KIAA1328: variants seen among roughly 807,000 people sequenced by gnomAD.
The protein encoded by KIAA1328 is KIAA1328.
A neutral mutation model predicts 68.1 loss-of-function variants in KIAA1328; 52 were observed. That is an observed-to-expected ratio of 0.76 (90% CI 0.61 to 0.96). The LOEUF (loss-of-function observed/expected upper bound fraction) is 0.96. Among genes scored for constraint, KIAA1328 ranks in the 40% least tolerant of loss-of-function variants. The pLI, the probability that KIAA1328 is intolerant of heterozygous loss-of-function variation, is 0.00. For missense variants in KIAA1328, 641 were observed against 677.6 expected (o/e 0.95, Z 0.60); for synonymous variants, 232 against 239.4 (o/e 0.97, Z 0.28).
At chr18:37,026,282 C>G (rs566430331) in intron 6 of KIAA1328, among the ~76,000 whole-genome samples, 2 of 152,260 alleles carry the variant, frequency 1.3e-5, no homozygotes, top group South Asian at 4.1e-4. Flanking sequence ...CAGCCAAATT[C>G]TACCCAGAGG....
Position 36,927,027 on chromosome 18 carries a change from A to C in KIAA1328, c.449-32281A>C, listed in dbSNP as rs75247244. On this transcript the variant is annotated intron_variant, in intron 5 of 9. Transcript: ENST00000280020. Reference sequence around the variant, plus strand: ...ACAAGATCTCTGCAAACTGAGAGATAACTCATCACCAAAGGGATTGTTGCT... The same window carrying C: ...ACAAGATCTCTGCAAACTGAGAGATCACTCATCACCAAAGGGATTGTTGCT... 2.0e-5 allele frequency among the ~76,000 whole-genome samples: 3 copies of C among 152,166 alleles called. No individual in the cohort carries two copies. The East Asian group carries it at 5.8e-4, about 29-fold the overall frequency.
intron 6 of KIAA1328, among the ~76,000 whole-genome samples, chr18:37,029,442 C>T (rs1397450489): frequency 6.6e-6 from 1 of 152,066 alleles, no homozygotes; most frequent in Non-Finnish European, 1.5e-5. Flanking sequence ...GGCATGATCT[C>T]AGTTCACTGC....
At chr18:37,151,823 T>C (rs1409699942) in intron 7 of KIAA1328, among the ~76,000 whole-genome samples, 2 of 152,142 alleles carry the variant, frequency 1.3e-5, no homozygotes, top group Non-Finnish European at 2.9e-5. Context: ...AGGGCATCCA[T>C]AGAAGAGGGC....
chr18:37,041,547 G>A (rs1335071900), intron 6 of KIAA1328, among the ~76,000 whole-genome samples: 1 of 151,332 alleles, frequency 6.6e-6, no homozygotes, highest in Non-Finnish European at 1.5e-5. Context: ...ATTGTGATAT[G>A]GTTGGATTTA....
intron 6 of KIAA1328, among the ~76,000 whole-genome samples, chr18:36,963,158 A>C (rs1469527828): frequency 6.6e-6 from 1 of 152,184 alleles, no homozygotes; most frequent in Non-Finnish European, 1.5e-5. Context: ...GAGGCAGAGG[A>C]AGGTGGCATC....
At chr18:36,944,994 TAAG>T (rs1289543151) in intron 5 of KIAA1328, among the ~76,000 whole-genome samples, 2 of 152,164 alleles carry the variant, frequency 1.3e-5, no homozygotes, top group African/African-American at 2.4e-5. Flanking sequence ...GTTGGCAGCT[TAAG>T]AAGAAAGCTT....
intron 7 of KIAA1328, among the ~76,000 whole-genome samples, chr18:37,100,375 C>T (rs998390805): frequency 3.3e-5 from 5 of 152,214 alleles, no homozygotes; most frequent in Non-Finnish European, 5.9e-5. Context: ...GAGAATATAC[C>T]CTGTGCCTGG....
chr18:37,032,415 C>T (rs1049613121), intron 6 of KIAA1328, among the ~76,000 whole-genome samples: 10 of 151,662 alleles, frequency 6.6e-5, no homozygotes, highest in Admixed American at 2.0e-4. Flanking sequence ...AGTTTACATT[C>T]ATTTTTATAG....
At chr18:37,069,448 G>A (rs1369727471) in intron 7 of KIAA1328, among the ~76,000 whole-genome samples, 1 of 151,852 alleles carries the variant, frequency 6.6e-6, no homozygotes, top group Admixed American at 6.6e-5. Context: ...TTTGATGAGG[G>A]ATATTGTTCT....
chr18:37,053,867 G>A (rs2055801860), intron 6 of KIAA1328, among the ~76,000 whole-genome samples: 1 of 151,650 alleles, frequency 6.6e-6, no homozygotes, highest in African/African-American at 2.4e-5. Context: ...GGTACACAGA[G>A]CCAGAACATG....
chr18:37,164,288 C>T (rs945966476), intron 8 of KIAA1328, among the ~76,000 whole-genome samples: 5 of 152,170 alleles, frequency 3.3e-5, no homozygotes, highest in Non-Finnish European at 7.3e-5. Context: ...TCTTTCGATG[C>T]CCTTATCCTG....
intron 7 of KIAA1328, among the ~76,000 whole-genome samples, chr18:37,145,818 T>C (rs990582109): frequency 4.6e-5 from 7 of 152,226 alleles, no homozygotes; most frequent in Admixed American, 1.3e-4. Flanking sequence ...TTCATCCTTT[T>C]ATGTTAACCT....
chr18:36,950,933 G>C (rs1236627348), intron 5 of KIAA1328, among the ~76,000 whole-genome samples: 1 of 152,212 alleles, frequency 6.6e-6, no homozygotes, highest in Non-Finnish European at 1.5e-5. Flanking sequence ...CGGGGGAGAT[G>C]ATGGACAACC....
At chr18:36,851,578 T>G (rs555002133) in intron 4 of KIAA1328, among the ~76,000 whole-genome samples, 1 of 152,274 alleles carries the variant, frequency 6.6e-6, no homozygotes, top group African/African-American at 2.4e-5. Flanking sequence ...CTAGGTTATC[T>G]AATTTGTTGA....
chr18:36,891,182 TA>T (rs1443509826), intron 5 of KIAA1328, among the ~76,000 whole-genome samples: 1 of 152,158 alleles, frequency 6.6e-6, no homozygotes, highest in Non-Finnish European at 1.5e-5. Context: ...CCACGCCTCA[TA>T]CCACACACCA....
chr18:37,044,465 A>G (rs1452817154), intron 6 of KIAA1328, among the ~76,000 whole-genome samples: 1 of 152,128 alleles, frequency 6.6e-6, no homozygotes, highest in East Asian at 1.9e-4. Flanking sequence ...ATAGTAAAAA[A>G]CACAAGGCTT....
At chr18:36,897,001 T>G (rs192359008) in intron 5 of KIAA1328, among the ~76,000 whole-genome samples, 4 of 152,186 alleles carry the variant, frequency 2.6e-5, no homozygotes, top group Admixed American at 2.6e-4. Context: ...CTCACTTAAG[T>G]TAGAGACTTA....
chr18:37,092,641 G>A (rs1442876694), intron 7 of KIAA1328, among the ~76,000 whole-genome samples: 1 of 152,060 alleles, frequency 6.6e-6, no homozygotes, highest in African/African-American at 2.4e-5. Context: ...ATGTCATCCA[G>A]TGGCATAAGG....
intron 9 of KIAA1328, among the ~76,000 whole-genome samples, chr18:37,203,055 CT>C (rs1178760392): frequency 0.011 from 1,519 of 142,080 alleles, 17 homozygotes; most frequent in African/African-American, 0.028. Flanking sequence ...CCCCCTTTTC[CT>C]TTTTTTTTTT....
Sources: allele counts gnomAD v4.1 joint callset (sites outside exome capture counted in the v4.1 genomes callset), GRCh38; gene constraint gnomAD v4.1.1; transcripts MANE v1.5; gene names NCBI Gene and HGNC (gene_info 2026-07-23, HGNC 2026-07-21).